The following CPLX4 variants were observed in gnomAD, a reference collection of about 807,000 sequenced individuals.
CPLX4 encodes complexin-4.
Under a neutral mutation model 16.1 loss-of-function variants are expected in CPLX4, and 17 were observed. The observed-to-expected ratio is 1.06, with a 90% CI of 0.72 to 1.59. The LOEUF (loss-of-function observed/expected upper bound fraction) is 1.59, where lower values mean the gene tolerates loss of function less well. Ranked by LOEUF, CPLX4 falls within the 40% of genes most tolerant of loss-of-function variation. CPLX4 has a pLI of 0.00. For synonymous variants in CPLX4, 55 were observed against 57.8 expected, an observed-to-expected ratio of 0.95 and a Z score of 0.22; for missense variants, 193 against 192.9, an observed-to-expected ratio of 1.00 and a Z score of 0.00.
In CPLX4 at chr18:59,318,482, TA is replaced by T; in HGVS notation, c.-21del. 1 of 1,571,312 alleles carries T rather than the reference TA, an allele frequency of 6.4e-7. No individual in the cohort carries two copies. Among genetic ancestry groups the T allele is most frequent in the Non-Finnish European group, 8.6e-7 (1 of 1,163,230 alleles). On this transcript the variant is annotated 5_prime_UTR_variant, in exon 1 of 3. Coordinates refer to ENST00000299721, the MANE Select transcript of CPLX4 (RefSeq NM_181654.4). ...AGCCATTTTCTCTGCCCCAGAAAAA[TA>T]AAACCAAAATTCAGACAAAAGCTGA...
In CPLX4 at chr18:59,296,934, AAAAT is replaced by A. The variant is rs2070506052; in HGVS notation, c.256-13_256-10del. 1.9e-6 allele frequency: 3 copies of A among 1,601,054 alleles called. No homozygotes were observed. Among genetic ancestry groups the A allele is most frequent in the South Asian group, 1.1e-5 (1 of 87,488 alleles). On this transcript the variant is annotated splice_polypyrimidine_tract_variant and intron_variant, in intron 2 of 2. Transcript: ENST00000299721. Reference sequence around the variant, plus strand: ...TTCTCATCCATTTCACTCTATGTGAAAAATAAATAGAGATAGATAAATAACTCTA... The same window carrying A: ...TTCTCATCCATTTCACTCTATGTGAAAAATAGAGATAGATAAATAACTCTA...
At chr18:59,303,020 T>C (rs953855829) in intron 2 of CPLX4, among the ~76,000 whole-genome samples, 40 of 152,204 alleles carry the variant, frequency 2.6e-4, no homozygotes, top group African/African-American at 7.5e-4. Flanking sequence ...TAGCGTGAGA[T>C]TGACATAATG....
chr18:59,299,635 A>G (rs2070526387), intron 2 of CPLX4, among the ~76,000 whole-genome samples: 1 of 152,186 alleles, frequency 6.6e-6, no homozygotes, highest in African/African-American at 2.4e-5. Context: ...TCCTCCTTCA[A>G]GGGTGACTCT....
intron 2 of CPLX4, among the ~76,000 whole-genome samples, chr18:59,308,707 C>T (rs2070595173): frequency 6.6e-6 from 1 of 152,200 alleles, no homozygotes; most frequent in South Asian, 2.1e-4. Flanking sequence ...GCGCTGGCGA[C>T]CGCTGCGCCC....
chr18:59,305,807 T>C (rs529026052), intron 2 of CPLX4, among the ~76,000 whole-genome samples: 13 of 152,270 alleles, frequency 8.5e-5, no homozygotes, highest in African/African-American at 3.1e-4. Flanking sequence ...TCGAGGACAA[T>C]GTGCAGGCTC....
chr18:59,296,994 A>G, intron 2 of CPLX4, 69 bp from the exon 3 acceptor site: 1 of 1,537,656 alleles, frequency 6.5e-7, no homozygotes, highest in Non-Finnish European at 8.7e-7. Context: ...AATAAATTTT[A>G]AAAGCAGCAG....
At chr18:59,308,926 G>A (rs1253835154) in intron 2 of CPLX4, among the ~76,000 whole-genome samples, 1 of 152,254 alleles carries the variant, frequency 6.6e-6, no homozygotes, top group Non-Finnish European at 1.5e-5. Context: ...GGCAGAGGAG[G>A]CGCCCAAGGG....
At chr18:59,313,173 G>A (rs2070629269) in intron 1 of CPLX4, among the ~76,000 whole-genome samples, 1 of 152,114 alleles carries the variant, frequency 6.6e-6, no homozygotes, top group African/African-American at 2.4e-5. Context: ...TGCAGGGGAG[G>A]GGAAGCTACA....
chr18:59,311,582 C>T (rs991314478), intron 2 of CPLX4, among the ~76,000 whole-genome samples: 4 of 151,988 alleles, frequency 2.6e-5, no homozygotes, highest in Non-Finnish European at 5.9e-5. Flanking sequence ...GGGATCATGC[C>T]CTTTGGAGGG....
At chr18:59,304,616 G>C (rs534223322) in intron 2 of CPLX4, among the ~76,000 whole-genome samples, 1 of 152,190 alleles carries the variant, frequency 6.6e-6, no homozygotes, top group African/African-American at 2.4e-5. Flanking sequence ...TCTGCTGCCA[G>C]GCTGGAGTGC....
At position 59,318,183 on chromosome 18, in the gene CPLX4, C is replaced by A; in HGVS notation, c.167+113G>T. 2.1e-6 allele frequency: 3 copies of A among 1,446,240 alleles called. No homozygotes were observed. In the South Asian group the frequency reaches 5.2e-5, roughly 25 times the overall value. 89.6% of individuals were successfully genotyped at this position (1,446,240 alleles called of 1,614,324 possible). A position where few individuals can be genotyped will look rare whatever the true frequency, so the allele number is the denominator to read the frequency against. On this transcript the variant is annotated intron_variant, in intron 1 of 2. Coordinates refer to ENST00000299721, the MANE Select transcript of CPLX4 (RefSeq NM_181654.4). ...CTTTCCTTGGGTTAGAGGTAAACGGCAAAAGGAAAGGCATCTTAAAAAGCA... is the reference window on the plus strand; with the variant it reads ...CTTTCCTTGGGTTAGAGGTAAACGGAAAAAGGAAAGGCATCTTAAAAAGCA...
intron 2 of CPLX4, among the ~76,000 whole-genome samples, chr18:59,306,924 A>G (rs893626475): frequency 1.6e-4 from 24 of 152,184 alleles, no homozygotes; most frequent in Non-Finnish European, 2.6e-4. Flanking sequence ...TACTATTACT[A>G]TGAATGCTTA....
At position 59,314,441 on chromosome 18, in the gene CPLX4, A is replaced by G. The variant is rs185536864; in HGVS notation, c.168-1669T>C. Reference sequence around the variant, plus strand: ...GCAGAAATCAGTAACATTTCCCCCAAACTCTTCAATATGCATGTCATTAAC... The same window carrying G: ...GCAGAAATCAGTAACATTTCCCCCAGACTCTTCAATATGCATGTCATTAAC... On this transcript the variant is annotated intron_variant, in intron 1 of 2. Coordinates refer to ENST00000299721, the MANE Select transcript of CPLX4 (RefSeq NM_181654.4). Among the ~76,000 whole-genome samples the G allele has an allele frequency of 1.4e-3, 208 of 152,140 alleles. 1 individual carries two copies. The highest frequency in any genetic ancestry group is 4.7e-3 in the African/African-American group (193 of 41,496).
At chr18:59,308,058 G>A (rs967686417) in intron 2 of CPLX4, among the ~76,000 whole-genome samples, 1 of 151,966 alleles carries the variant, frequency 6.6e-6, no homozygotes, top group Non-Finnish European at 1.5e-5. Context: ...GATTACAGGC[G>A]TGAGCCACCG....
At chr18:59,300,101 G>GCGGGGGGAT (rs2070530010) in intron 2 of CPLX4, among the ~76,000 whole-genome samples, 1 of 152,176 alleles carries the variant, frequency 6.6e-6, no homozygotes, top group Non-Finnish European at 1.5e-5. Flanking sequence ...GGAAGCTGAG[G>GCGGGGGGAT]CGGGGGGATC....
At chr18:59,298,595 C>A (rs1341643931) in intron 2 of CPLX4, among the ~76,000 whole-genome samples, 1 of 148,118 alleles carries the variant, frequency 6.8e-6, no homozygotes, top group African/African-American at 2.4e-5. Context: ...AAGATTTCTG[C>A]ACCTGGTGAC....
chr18:59,314,217 C>T (rs1196844784), intron 1 of CPLX4, among the ~76,000 whole-genome samples: 6 of 152,056 alleles, frequency 3.9e-5, no homozygotes, highest in East Asian at 3.9e-4. Flanking sequence ...AGGAGATTAG[C>T]GACCTGCGGC....
rs73446290 is a variant in CPLX4 at position 59,302,616 on chromosome 18, C to G, written c.256-5691G>C. ...TTTTAATCTCTTGTTTTTAACCAGA[C>G]TTATTATCTTTATGGCCAGTGCTGA... is the stretch of plus-strand genomic sequence containing the variant. On this transcript the variant is annotated intron_variant, in intron 2 of 2. Coordinates refer to ENST00000299721, the MANE Select transcript of CPLX4 (RefSeq NM_181654.4). Among the ~76,000 whole-genome samples, 1,153 of 152,308 alleles carry G rather than the reference C, an allele frequency of 7.6e-3. 28 individuals carry two copies. The highest frequency in any genetic ancestry group is 0.026 in the African/African-American group (1,088 of 41,558).
Position 59,296,598 on chromosome 18 carries a change from CTG to C in CPLX4, c.*98_*99del. 7.7e-7 allele frequency: 1 copy of C among 1,301,372 alleles called. No homozygotes were observed. Among genetic ancestry groups the C allele is most frequent in the Non-Finnish European group, 1.1e-6 (1 of 935,774 alleles). The allele number at this position is 1,301,372 out of a possible 1,614,324, so 80.6% of individuals were successfully genotyped here. On this transcript the variant is annotated 3_prime_UTR_variant, in exon 3 of 3. Transcript: ENST00000299721. ...CAATGGATCATCGTGGTTTTCCTAA[CTG>C]TGTTCACTACATTAAAACATGTACT...
Sources: gnomAD v4.1 joint callset for allele counts (sites outside exome capture counted in the v4.1 genomes callset) on GRCh38, gnomAD v4.1.1 for gene constraint, MANE v1.5 for transcripts, NCBI Gene and HGNC (gene_info 2026-07-23, HGNC 2026-07-21) for gene names.